Variants in SECISBP2 observed in about 807,000 individuals in gnomAD.
SECISBP2 encodes selenocysteine insertion sequence-binding protein 2.
A neutral mutation model predicts 98.2 loss-of-function variants in SECISBP2; 96 were observed. The observed-to-expected ratio is 0.98, with a 90% CI of 0.83 to 1.16. The LOEUF (loss-of-function observed/expected upper bound fraction) is 1.16. Among genes scored for constraint, SECISBP2 ranks in the 50% most tolerant of loss-of-function variants. SECISBP2 has a pLI of 0.00. For missense variants in SECISBP2, 1,046 were observed against 1,022.9 expected (o/e 1.02, Z -0.31); for synonymous variants, 407 against 370.2 (o/e 1.10, Z -1.14).
At chr9:89,319,885 C>G (rs1825412112) in intron 2 of SECISBP2, 88 bp downstream of exon 2, 1 of 1,352,846 alleles carries the variant, frequency 7.4e-7, no homozygotes, top group Admixed American at 1.7e-5. Context: ...AGTTACTGCA[C>G]TAAAGTTCTG....
intron 2 of SECISBP2, 189 bp from the exon 3 acceptor site, chr9:89,325,238 A>G (rs1826487348): frequency 1.6e-6 from 1 of 610,484 alleles, no homozygotes; most frequent in African/African-American, 1.8e-5. Context: ...AAATAGAGTC[A>G]ACATCTTTCT....
At chr9:89,325,798 T>A in intron 3 of SECISBP2, 99 bp from the exon 4 acceptor site, 1 of 1,590,650 alleles carries the variant, frequency 6.3e-7, no homozygotes, top group East Asian at 2.3e-5. Flanking sequence ...TTTAACCTTT[T>A]AAAAAATGAT....
intron 2 of SECISBP2, among the ~76,000 whole-genome samples, chr9:89,320,426 T>C (rs1825569329): frequency 6.7e-6 from 1 of 149,944 alleles, no homozygotes; most frequent in South Asian, 2.1e-4. Flanking sequence ...AAATATATCA[T>C]ATATCTAATG....
chr9:89,364,071 CTT>C, downstream of SECISBP2: 1 of 1,585,504 alleles, frequency 6.3e-7, no homozygotes, highest in Non-Finnish European at 8.6e-7. Flanking sequence ...CTTGGGACAA[CTT>C]CCAATTCAGT....
At chr9:89,365,213 G>GGGCCA in the SECISBP2 span, 1 of 152,438 alleles carries the variant, frequency 6.6e-6, no homozygotes, top group Non-Finnish European at 1.5e-5. Flanking sequence ...TGAGCTGGGA[G>GGGCCA]GGCCAGGCCA....
Position 89,328,881 on chromosome 9 carries a change from T to C in SECISBP2, c.796T>C (p.Ser266Pro), listed in dbSNP as rs745577063. Residue 266 changes from serine (S) to proline (P), a missense_variant, in exon 5 of 17, where the codon TCA (serine) becomes CCA (proline). Physicochemically the swap from Ser to Pro is moderately conservative, Grantham distance 74. Coordinates refer to ENST00000375807, the MANE Select transcript of SECISBP2 (RefSeq NM_024077.5). ...REVVKPAAVLSKGEIVVKNNP... is the reference protein window; with the variant it reads ...REVVKPAAVLPKGEIVVKNNP... ...AGTAGTAAAACCAGCTGCAGTGTTATCAAAGGTGAGGTGAGGGTTTCTCTC... is the reference window on the plus strand; with the variant it reads ...AGTAGTAAAACCAGCTGCAGTGTTACCAAAGGTGAGGTGAGGGTTTCTCTC... The C allele has an allele frequency of 1.1e-5, 17 of 1,612,438 alleles. No individual in the cohort carries two copies. In the African/African-American group the frequency reaches 2.0e-4, roughly 19 times the overall value.
downstream of SECISBP2, among the ~76,000 whole-genome samples, chr9:89,362,698 G>GT (rs1832884125): frequency 6.6e-6 from 1 of 152,268 alleles, no homozygotes; most frequent in Non-Finnish European, 1.5e-5. Flanking sequence ...GTGTGCTGAA[G>GT]TACAGAGGAT....
At chr9:89,363,913 C>T (rs1833153442), downstream of SECISBP2, 12 of 1,614,072 alleles carry the variant, frequency 7.4e-6, no homozygotes, top group East Asian at 2.7e-4. Context: ...CCAGAGCTCG[C>T]CCATTCTTCT....
intron 4 of SECISBP2, 112 bp downstream of exon 4, chr9:89,326,150 G>A (rs1826667312): frequency 2.9e-5 from 38 of 1,315,914 alleles, no homozygotes; most frequent in Non-Finnish European, 3.9e-5. Flanking sequence ...ACTACTCCAA[G>A]AAATGAGACC....
intron 10 of SECISBP2, among the ~76,000 whole-genome samples, chr9:89,343,699 C>T (rs1293605927): frequency 1.3e-5 from 2 of 152,216 alleles, no homozygotes; most frequent in Non-Finnish European, 2.9e-5. Flanking sequence ...GCATAGTATT[C>T]CATGGTGTAT....
intron 2 of SECISBP2, among the ~76,000 whole-genome samples, chr9:89,320,986 G>T (rs1825704804): frequency 6.6e-6 from 1 of 152,198 alleles, no homozygotes; most frequent in African/African-American, 2.4e-5. Context: ...GCAAGAATGA[G>T]AATTGTAATG....
At chr9:89,363,067 T>A (rs2132187574), downstream of SECISBP2, among the ~76,000 whole-genome samples, 1 of 152,324 alleles carries the variant, frequency 6.6e-6, no homozygotes, top group South Asian at 2.1e-4. Flanking sequence ...GGGTTCCCCA[T>A]CTGTCCAGGT....
Position 89,325,515 on chromosome 9 carries a change from G to T in SECISBP2, c.271G>T (p.Ala91Ser). ...LSSEITLHPY[A>S]YSPYTLDSTQ... ...TTCTGAGATAACTCTTCATCCATATGCCTATTCTCCTTATACCCTTGACTC... is the reference window on the plus strand; with the variant it reads ...TTCTGAGATAACTCTTCATCCATATTCCTATTCTCCTTATACCCTTGACTC... The change falls in exon 3 of 17, where the codon GCC (alanine) becomes TCC (serine). Residue 91 changes from alanine (A) to serine (S), a missense_variant. Ala to Ser is a moderately conservative substitution (Grantham distance 99, BLOSUM62 1). Transcript: ENST00000375807. 6.2e-7 allele frequency: 1 copy of T among 1,613,776 alleles called. No individual in the cohort carries two copies. Among genetic ancestry groups the T allele is most frequent in the East Asian group, 2.2e-5 (1 of 44,858 alleles).
intron 10 of SECISBP2, among the ~76,000 whole-genome samples, 198 bp downstream of exon 10, chr9:89,341,677 A>G (rs569554485): frequency 6.6e-6 from 1 of 152,368 alleles, no homozygotes; most frequent in Non-Finnish European, 1.5e-5. Flanking sequence ...TTGATTTTTC[A>G]TAAGTATGCA....
intron 7 of SECISBP2, among the ~76,000 whole-genome samples, chr9:89,336,700 C>T (rs970578330): frequency 1.3e-5 from 2 of 149,766 alleles, no homozygotes; most frequent in Non-Finnish European, 3.0e-5. Context: ...GGTGAAGCCT[C>T]CTGCCTGTCT....
Position 89,349,657 on chromosome 9 carries a change from G to A in SECISBP2, c.1739-119G>A, listed in dbSNP as rs1256815421. ...CTGTAAACCTCTCTGCATGTTGTCT[G>A]TGAATGTGGTGGTTGTGTGCAGGGG... On this transcript the variant is annotated intron_variant, in intron 12 of 16. Coordinates refer to ENST00000375807, the MANE Select transcript of SECISBP2 (RefSeq NM_024077.5). 5 of 1,065,088 alleles carry A rather than the reference G, an allele frequency of 4.7e-6. No homozygotes were observed. In the East Asian group the frequency reaches 1.2e-4, roughly 26 times the overall value. The allele number at this position is 1,065,088 out of a possible 1,614,324, so 66.0% of individuals were successfully genotyped here.
At chr9:89,327,180 A>T (rs1001803501) in intron 4 of SECISBP2, among the ~76,000 whole-genome samples, 2 of 151,650 alleles carry the variant, frequency 1.3e-5, no homozygotes, top group African/African-American at 4.8e-5. Flanking sequence ...AAAAAAAAAG[A>T]TATAAAATGT....
intron 14 of SECISBP2, among the ~76,000 whole-genome samples, chr9:89,352,956 G>C: frequency 6.6e-6 from 1 of 151,518 alleles, no homozygotes; most frequent in East Asian, 1.9e-4. Flanking sequence ...TGCTCTGTTT[G>C]TTTTGGCCTC....
At chr9:89,360,128 T>C (rs1832654228), downstream of SECISBP2, among the ~76,000 whole-genome samples, 1 of 152,142 alleles carries the variant, frequency 6.6e-6, no homozygotes, top group Non-Finnish European at 1.5e-5. Flanking sequence ...CAGTGACCAG[T>C]GTGAGCCTTG....
Sources: allele counts gnomAD v4.1 joint callset (sites outside exome capture counted in the v4.1 genomes callset), GRCh38; gene constraint gnomAD v4.1.1; transcripts MANE v1.5; gene names NCBI Gene and HGNC (gene_info 2026-07-23, HGNC 2026-07-21).